PARL: variants seen among roughly 807,000 people sequenced by gnomAD.
PARL encodes presenilin associated rhomboid like, also known as presenilin-associated rhomboid-like protein, mitochondrial.
Under a neutral mutation model 51.6 loss-of-function variants are expected in PARL, and 44 were observed. The observed-to-expected ratio is 0.85, with a 90% CI of 0.67 to 1.10. PARL has a LOEUF of 1.10. Among genes scored for constraint, PARL ranks in the 50% least tolerant of loss-of-function variants. PARL has a pLI of 0.00. For synonymous variants in PARL, 172 were observed against 164.0 expected, an observed-to-expected ratio of 1.05 and a Z score of -0.37; for missense variants, 441 against 469.5, an observed-to-expected ratio of 0.94 and a Z score of 0.56.
chr3:183,836,325 C>T (rs982004309), intron 7 of PARL, among the ~76,000 whole-genome samples: 10 of 150,198 alleles, frequency 6.7e-5, no homozygotes, highest in African/African-American at 2.2e-4. Flanking sequence ...GTTATCTGTA[C>T]AATTCCATGG....
At chr3:183,873,747 T>C (rs1315117897) in intron 1 of PARL, among the ~76,000 whole-genome samples, 1 of 152,146 alleles carries the variant, frequency 6.6e-6, no homozygotes, top group East Asian at 1.9e-4. Flanking sequence ...ACTTAAAATT[T>C]TGAAGCACAA....
intron 4 of PARL, chr3:183,861,323 G>C (rs1002821221): frequency 6.4e-6 from 4 of 624,264 alleles, no homozygotes; most frequent in African/African-American, 4.0e-5. Flanking sequence ...TTTTAACTGA[G>C]TGCCCTTACT....
intron 8 of PARL, 33 bp from the exon 9 acceptor site, chr3:183,833,622 G>A (rs1728210459): frequency 1.0e-5 from 16 of 1,527,698 alleles, no homozygotes; most frequent in African/African-American, 1.4e-5. Flanking sequence ...CGGCACAACT[G>A]TGATTGCTCC....
intron 1 of PARL, chr3:183,879,681 A>C: frequency 1.3e-6 from 1 of 777,456 alleles, no homozygotes; most frequent in Non-Finnish European, 1.5e-6. Flanking sequence ...TATATAAGGT[A>C]CATTTTCTCT....
At chr3:183,882,242 T>A (rs866759985) in intron 1 of PARL, among the ~76,000 whole-genome samples, 1 of 20,968 alleles carries the variant, frequency 4.8e-5, no homozygotes, top group Non-Finnish European at 9.6e-5. Context: ...TATATATATA[T>A]ATTTATATAT....
chr3:183,833,728 C>T lies in PARL; in HGVS notation c.926G>A (p.Gly309Glu), dbSNP rs372570804. ...GCACTTCATAAAAATACTTACATTC[C>T]CTGCTGTGAACGTGAACATCGGAAG... ...IFLPMFTFTA[G>E]NALKAIIAMD... is the part of the protein sequence containing the mutation. Residue 309 changes from glycine (G) to glutamate (E), a missense_variant, in exon 8 of 10, where the codon GGG (glycine) becomes GAG (glutamate). Transcript: ENST00000317096. 8.8e-6 allele frequency: 14 copies of T among 1,597,174 alleles called. No homozygotes were observed. In the African/African-American group the frequency reaches 1.7e-4, roughly 20 times the overall value.
intron 1 of PARL, among the ~76,000 whole-genome samples, chr3:183,877,111 G>A (rs1346076095): frequency 6.6e-6 from 1 of 152,224 alleles, no homozygotes; most frequent in Non-Finnish European, 1.5e-5. Context: ...CTACTCAGGA[G>A]GCTGAGGCAG....
At chr3:183,831,666 G>C (rs1204715297) in intron 9 of PARL, among the ~76,000 whole-genome samples, 1 of 152,140 alleles carries the variant, frequency 6.6e-6, no homozygotes. Flanking sequence ...GTAAGGTTTG[G>C]TCAGAGGCAA....
At chr3:183,838,662 C>T (rs1426763117) in intron 7 of PARL, among the ~76,000 whole-genome samples, 1 of 152,166 alleles carries the variant, frequency 6.6e-6, no homozygotes, top group African/African-American at 2.4e-5. Context: ...TAAAGGGAAA[C>T]TGAAATTCAG....
At chr3:183,860,732 G>A (rs2108659865) in intron 4 of PARL, among the ~76,000 whole-genome samples, 1 of 152,104 alleles carries the variant, frequency 6.6e-6, no homozygotes, top group African/African-American at 2.4e-5. Context: ...TTCAAAGAAT[G>A]TGAGGTATAA....
At chr3:183,850,961 C>G (rs1212486379) in intron 4 of PARL, among the ~76,000 whole-genome samples, 1 of 152,094 alleles carries the variant, frequency 6.6e-6, no homozygotes, top group Non-Finnish European at 1.5e-5. Context: ...ATATATAGAT[C>G]AATGGACAGA....
intron 2 of PARL, among the ~76,000 whole-genome samples, chr3:183,867,285 C>T (rs1732606490): frequency 6.6e-6 from 1 of 152,130 alleles, no homozygotes; most frequent in Non-Finnish European, 1.5e-5. Context: ...TATAAATCCT[C>T]AAATAAAACT....
chr3:183,858,488 C>T (rs7619116), intron 4 of PARL, among the ~76,000 whole-genome samples: 21 of 152,146 alleles, frequency 1.4e-4, no homozygotes, highest in Non-Finnish European at 8.8e-5. Context: ...AGTTTTCTTG[C>T]GATCTCTCTC....
At chr3:183,882,230 T>TAA (rs1734560886) in intron 1 of PARL, among the ~76,000 whole-genome samples, 1 of 20,296 alleles carries the variant, frequency 4.9e-5, no homozygotes, top group Admixed American at 6.5e-4. Flanking sequence ...AAAATATATA[T>TAA]ATATATATAT....
At chr3:183,841,174 C>T (rs1194134757) in intron 6 of PARL, among the ~76,000 whole-genome samples, 4 of 152,254 alleles carry the variant, frequency 2.6e-5, no homozygotes, top group African/African-American at 9.6e-5. Context: ...TGGATGATCC[C>T]GTAAGTCTCT....
downstream of PARL, chr3:183,826,771 CTT>C (rs776549771): frequency 1.0e-6 from 1 of 985,440 alleles, no homozygotes; most frequent in Non-Finnish European, 1.2e-6. Flanking sequence ...AGAGTGAACT[CTT>C]TGTGGACTGT....
intron 9 of PARL, among the ~76,000 whole-genome samples, chr3:183,832,222 C>CT (rs879877473): frequency 0.048 from 6,813 of 142,752 alleles, 447 homozygotes; most frequent in African/African-American, 0.15. Flanking sequence ...ATAGATTTTT[C>CT]TTTTTTTTTT....
intron 4 of PARL, among the ~76,000 whole-genome samples, chr3:183,847,459 G>A (rs147522435): frequency 1.6e-4 from 25 of 152,216 alleles, no homozygotes; most frequent in Non-Finnish European, 3.4e-4. Context: ...AGCTATTTGG[G>A]AGGCTAAGGT....
intron 7 of PARL, among the ~76,000 whole-genome samples, chr3:183,836,083 C>T (rs13084702): frequency 2.6e-5 from 4 of 151,074 alleles, no homozygotes; most frequent in Non-Finnish European, 5.9e-5. Context: ...TGGGCATGGT[C>T]GTGCATGCCT....
Sources: gnomAD v4.1 joint callset for allele counts (sites outside exome capture counted in the v4.1 genomes callset) on GRCh38, gnomAD v4.1.1 for gene constraint, MANE v1.5 for transcripts, NCBI Gene and HGNC (gene_info 2026-07-23, HGNC 2026-07-21) for gene names.